ST3GAL6: variants seen among roughly 807,000 people sequenced by gnomAD.
ST3GAL6 encodes the protein type 2 lactosamine alpha-2,3-sialyltransferase.
In ST3GAL6, 31 loss-of-function variants were observed where a neutral mutation model predicts 40.5. The ratio of observed to expected loss-of-function variants is 0.77; its 90% CI spans 0.58 to 1.03. The LOEUF (loss-of-function observed/expected upper bound fraction) is 1.03. ST3GAL6 is among the 50% of genes least tolerant of loss of function. The pLI is 0.00. For synonymous variants in ST3GAL6, 129 were observed against 136.9 expected, an observed-to-expected ratio of 0.94 and a Z score of 0.40; for missense variants, 357 against 393.2, an observed-to-expected ratio of 0.91 and a Z score of 0.78.
chr3:98,739,520 T>C (rs1480656477), intron 1 of ST3GAL6, among the ~76,000 whole-genome samples: 1 of 152,250 alleles, frequency 6.6e-6, no homozygotes, highest in Non-Finnish European at 1.5e-5. Context: ...GCCTGTTGCT[T>C]CTGACCTCTT....
upstream of ST3GAL6, among the ~76,000 whole-genome samples, chr3:98,760,931 T>C (rs757447867): frequency 6.6e-6 from 1 of 152,230 alleles, no homozygotes; most frequent in African/African-American, 2.4e-5. Context: ...TGAGCATTTT[T>C]TTAAAAAGTA....
Position 98,775,344 on chromosome 3 carries a change from C to T in ST3GAL6, c.335+1361C>T, listed in dbSNP as rs146985167. Among the ~76,000 whole-genome samples the T allele has an allele frequency of 5.4e-3, 816 of 152,102 alleles. 4 individuals are homozygous for T. Among genetic ancestry groups the T allele is most frequent in the Middle Eastern group, 0.014 (4 of 292 alleles). ...TACAAAAATTAGCCTGGCATGATGG[C>T]GCATGCCTGTAGTCCCAGCTACTTG... On this transcript the variant is annotated intron_variant, in intron 5 of 9. Transcript: ENST00000483910.
At chr3:98,753,252 A>G (rs1229102135) in intron 1 of ST3GAL6, among the ~76,000 whole-genome samples, 3 of 152,146 alleles carry the variant, frequency 2.0e-5, no homozygotes, top group Non-Finnish European at 4.4e-5. Flanking sequence ...AAGCCACAAA[A>G]TTTTCTTGAG....
rs141523411 is a variant in ST3GAL6 at position 98,742,785 on chromosome 3, G to A, written c.-12+10253G>A. On this transcript the variant is annotated intron_variant, in intron 1 of 9. Coordinates refer to the ST3GAL6 transcript ENST00000265261. ...GCAATCTTGGCTTACAGCAACCTCC[G>A]CCTCCTGGGTTAAGCGATTCTCCTG... Among the ~76,000 whole-genome samples, 693 of 149,086 alleles carry A rather than the reference G, an allele frequency of 4.6e-3. 1 individual carries two copies. Among genetic ancestry groups the A allele is most frequent in the Non-Finnish European group, 7.8e-3 (524 of 67,600 alleles).
chr3:98,791,876 C>T lies in ST3GAL6; in HGVS notation c.792C>T (p.Ile264=), dbSNP rs748303867. ...ACCCAACAACAGGAATTATTGCCAT[C>T]ACATTGGCGTTTTACATATGTCACG... is the stretch of plus-strand genomic sequence containing the variant. ...PKHPTTGIIA[I]TLAFYICHEV... Residue 264 remains isoleucine (I), a synonymous_variant, in exon 9 of 10, where the codon ATC becomes ATT. Transcript: ENST00000483910. 1 of 1,613,640 alleles carries T rather than the reference C, an allele frequency of 6.2e-7. No homozygotes were observed. The highest frequency in any genetic ancestry group is 2.2e-5 in the East Asian group (1 of 44,872).
chr3:98,782,547 C>G lies in ST3GAL6; in HGVS notation c.336-2398C>G, dbSNP rs1045752038. The G allele has an allele frequency of 5.3e-6, 3 of 564,002 alleles. No homozygotes were observed. The South Asian group carries it at 6.0e-5, about 11-fold the overall frequency. The allele number at this position is 564,002 out of a possible 1,614,324, so 34.9% of individuals were successfully genotyped here. A position where few individuals can be genotyped will look rare whatever the true frequency, so the allele number is the denominator to read the frequency against. ...CCTGCACGTAGGAAGTGCCTACAAT[C>G]CAAGTACCATGCTCTTTACTGCCTC... On this transcript the variant is annotated intron_variant, in intron 5 of 9. Transcript: ENST00000483910.
chr3:98,751,930 C>T lies in ST3GAL6; in HGVS notation c.-11-16500C>T, dbSNP rs191177481. On this transcript the variant is annotated intron_variant, in intron 1 of 9. Transcript: ENST00000265261. ...TTTTCATAATCAAGCATAATTATTT[C>T]CCTGTTTAAGGGCATTAGAGTTCAT... Among the ~76,000 whole-genome samples, 613 of 152,154 alleles carry T rather than the reference C, an allele frequency of 4.0e-3. 1 individual carries two copies. The highest frequency in any genetic ancestry group is 0.014 in the Middle Eastern group (4 of 294).
chr3:98,744,918 A>C (rs1490658319), intron 1 of ST3GAL6, among the ~76,000 whole-genome samples: 1 of 152,196 alleles, frequency 6.6e-6, no homozygotes, highest in Non-Finnish European at 1.5e-5. Context: ...CAGCCCAACA[A>C]TTAGACTTTG....
intron 1 of ST3GAL6, chr3:98,733,456 A>T: frequency 1.0e-6 from 1 of 991,044 alleles, no homozygotes; most frequent in South Asian, 4.7e-5. Context: ...AAGGGTCTGT[A>T]CGCGAGGAGG....
intron 1 of ST3GAL6, chr3:98,733,009 C>T: frequency 6.9e-7 from 1 of 1,453,214 alleles, no homozygotes; most frequent in Non-Finnish European, 9.0e-7. Flanking sequence ...TTGCACTGCC[C>T]GGGTGAGGGA....
chr3:98,773,695 T>A (rs1015864960), intron 4 of ST3GAL6, among the ~76,000 whole-genome samples: 28 of 152,144 alleles, frequency 1.8e-4, no homozygotes, highest in Non-Finnish European at 3.8e-4. Context: ...AATGTGTTGT[T>A]TTTTGGGGAG....
intron 5 of ST3GAL6, chr3:98,783,045 G>A (rs866969779): frequency 7.1e-5 from 20 of 280,454 alleles, no homozygotes; most frequent in African/African-American, 4.4e-4. Context: ...TCCCCTCCCT[G>A]AATGTTACGT....
chr3:98,764,375 C>A (rs960580518), intron 1 of ST3GAL6, among the ~76,000 whole-genome samples: 1 of 151,870 alleles, frequency 6.6e-6, no homozygotes, highest in African/African-American at 2.4e-5. Flanking sequence ...ATAAACAATG[C>A]TAGCATGGTT....
At chr3:98,733,044 C>T in intron 1 of ST3GAL6, 1 of 1,421,540 alleles carries the variant, frequency 7.0e-7, no homozygotes, top group Non-Finnish European at 9.2e-7. Context: ...GAAGACCGGT[C>T]TGGGCCGGGG....
intron 4 of ST3GAL6, 148 bp downstream of exon 4, chr3:98,773,064 A>G: frequency 1.9e-6 from 1 of 526,358 alleles, no homozygotes; most frequent in Non-Finnish European, 3.4e-6. Flanking sequence ...GAAATGAATT[A>G]CATTTTAAAA....
chr3:98,783,163 G>T, intron 5 of ST3GAL6: 2 of 182,970 alleles, frequency 1.1e-5, no homozygotes, highest in African/African-American at 2.4e-5. Context: ...CCACTTGAGG[G>T]TACGATGTGG....
chr3:98,756,408 A>T (rs1201333273), intron 1 of ST3GAL6: 3 of 1,287,476 alleles, frequency 2.3e-6, no homozygotes, highest in Non-Finnish European at 3.0e-6. Context: ...TGGGTTTTAG[A>T]TAATTTCTAA....
At position 98,773,962 on chromosome 3, in the gene ST3GAL6, A is replaced by G; in HGVS notation, c.314A>G (p.Asp105Gly). The G allele has an allele frequency of 6.2e-7, 1 of 1,613,356 alleles. No individual in the cohort carries two copies. The highest frequency in any genetic ancestry group is 8.5e-7 in the Non-Finnish European group (1 of 1,179,502). The change falls in exon 5 of 10, where the codon GAT (aspartate) becomes GGT (glycine). Residue 105 changes from aspartate to glycine, a missense_variant. Physicochemically the swap from Asp to Gly is moderately conservative, Grantham distance 94 (BLOSUM62 -1). Transcript: ENST00000483910. ...GCTCTTTCAAAACTGCAGAGTTGTG[A>G]TCTCTTTGATGAGTTTGACAAGTGA... is the stretch of plus-strand genomic sequence containing the variant. ...RLALSKLQSCDLFDEFDNIPC... is the reference protein window; with the variant it reads ...RLALSKLQSCGLFDEFDNIPC...
At chr3:98,793,568 C>A in intron 9 of ST3GAL6, 107 bp from the exon 10 acceptor site, 1 of 619,104 alleles carries the variant, frequency 1.6e-6, no homozygotes, top group Non-Finnish European at 2.7e-6. Flanking sequence ...CGTTACTTAA[C>A]ATTCGAGTTC....
Sources: gnomAD v4.1 joint callset for allele counts (sites outside exome capture counted in the v4.1 genomes callset) on GRCh38, gnomAD v4.1.1 for gene constraint, MANE v1.5 for transcripts, NCBI Gene and HGNC (gene_info 2026-07-23, HGNC 2026-07-21) for gene names.